Variants in ATP8B4 observed in about 807,000 individuals in gnomAD.
ATP8B4 encodes the protein ATPase phospholipid transporting 8B4 (putative).
Under a neutral mutation model 145.6 loss-of-function variants are expected in ATP8B4, and 133 were observed. That is an observed-to-expected ratio of 0.91 (90% confidence interval 0.79 to 1.05). ATP8B4 has a LOEUF of 1.05. Ranked by LOEUF, ATP8B4 falls within the 50% of genes least tolerant of loss-of-function variation. The pLI is 0.00. For synonymous variants in ATP8B4, 507 were observed against 492.9 expected (o/e 1.03, Z -0.38); for missense variants, 1,458 against 1,425.2 (o/e 1.02, Z -0.37).
At chr15:50,079,802 A>G (rs535182851) in intron 2 of ATP8B4, among the ~76,000 whole-genome samples, 1 of 152,344 alleles carries the variant, frequency 6.6e-6, no homozygotes, top group South Asian at 2.1e-4. Flanking sequence ...TCTTATTTCT[A>G]TCAACTTCAC....
intron 7 of ATP8B4, among the ~76,000 whole-genome samples, chr15:50,002,814 T>C (rs2153561793): frequency 6.6e-6 from 1 of 151,846 alleles, no homozygotes; most frequent in South Asian, 2.1e-4. Context: ...GAAGAGAAAA[T>C]GTAGTCAAAG....
chr15:50,001,919 TTC>T (rs1444601979), intron 8 of ATP8B4, among the ~76,000 whole-genome samples: 1 of 152,196 alleles, frequency 6.6e-6, no homozygotes, highest in Admixed American at 6.5e-5. Context: ...TTACTGAAGA[TTC>T]TCTGTGTAAA....
intron 1 of ATP8B4, among the ~76,000 whole-genome samples, chr15:50,153,483 C>G (rs1460258137): frequency 6.6e-6 from 1 of 152,076 alleles, no homozygotes; most frequent in Admixed American, 6.6e-5. Flanking sequence ...GAACTACAGG[C>G]GCCTGCCACC....
chr15:49,929,608 G>T (rs775515616), intron 16 of ATP8B4, among the ~76,000 whole-genome samples: 9 of 152,058 alleles, frequency 5.9e-5, no homozygotes, highest in Non-Finnish European at 1.2e-4. Flanking sequence ...ATGTGGTCAA[G>T]ATCATCCAAG....
chr15:49,879,710 AAAT>A (rs1395205833), intron 23 of ATP8B4: 1 of 375,200 alleles, frequency 2.7e-6, no homozygotes, highest in Admixed American at 4.4e-5. Flanking sequence ...AGTGAGGACA[AAAT>A]AATACATGCA....
At chr15:49,951,497 T>C (rs2043099741) in intron 14 of ATP8B4, among the ~76,000 whole-genome samples, 1 of 152,234 alleles carries the variant, frequency 6.6e-6, no homozygotes, top group South Asian at 2.1e-4. Flanking sequence ...AAGTCCGATT[T>C]GTCAGAGACT....
chr15:49,935,943 C>T lies in ATP8B4; in HGVS notation c.1288-1761G>A, dbSNP rs935195. On this transcript the variant is annotated intron_variant, in intron 14 of 27. Transcript: ENST00000284509. ...AAACACTCCCTAACTGGTAAGATGA[C>T]GTTATTACCCACTCCTCATCTCCTC... is the stretch of plus-strand genomic sequence containing the variant. 7.2e-5 allele frequency among the ~76,000 whole-genome samples: 11 copies of T among 151,942 alleles called. No homozygotes were observed. The South Asian group carries it at 1.5e-3, about 20-fold the overall frequency.
At chr15:50,135,992 C>T (rs999545040) in intron 1 of ATP8B4, among the ~76,000 whole-genome samples, 43 of 152,268 alleles carry the variant, frequency 2.8e-4, no homozygotes, top group Admixed American at 1.8e-3. Context: ...CAACCTTGAG[C>T]GTGGATACTT....
chr15:49,860,477 T>G lies in ATP8B4; in HGVS notation c.3298-2A>C. 1.9e-6 allele frequency: 3 copies of G among 1,606,670 alleles called. No homozygotes were observed. In the South Asian group the frequency reaches 3.3e-5, roughly 18 times the overall value. On this transcript the variant is annotated splice_acceptor_variant, in intron 27 of 27. Coordinates refer to ENST00000284509, the MANE Select transcript of ATP8B4 (RefSeq NM_024837.4). LOFTEE classifies it high-confidence loss of function. ...TTGAGCCTTCTGCCACCGGCGGATC[T>G]GGAGAGAAACAGACCCAAAGTGAGA...
intron 19 of ATP8B4, among the ~76,000 whole-genome samples, chr15:49,918,015 T>C (rs1171501380): frequency 1.3e-5 from 2 of 152,216 alleles, no homozygotes; most frequent in Non-Finnish European, 2.9e-5. Context: ...AATTGATGCA[T>C]CACATGTGCA....
At chr15:50,097,407 T>A (rs189386748) in intron 2 of ATP8B4, among the ~76,000 whole-genome samples, 1 of 152,180 alleles carries the variant, frequency 6.6e-6, no homozygotes, top group Non-Finnish European at 1.5e-5. Context: ...AACAATACTT[T>A]CCAAAATGCT....
chr15:50,080,341 A>G (rs2054463426), intron 2 of ATP8B4, among the ~76,000 whole-genome samples: 1 of 152,180 alleles, frequency 6.6e-6, no homozygotes, highest in Non-Finnish European at 1.5e-5. Flanking sequence ...ATTAGGGAAC[A>G]TTTATCAAAA....
intron 2 of ATP8B4, among the ~76,000 whole-genome samples, chr15:50,083,748 C>T (rs1320182361): frequency 6.6e-6 from 1 of 152,180 alleles, no homozygotes; most frequent in African/African-American, 2.4e-5. Flanking sequence ...TTGGTTTCTG[C>T]ATCTCAGCTC....
chr15:50,102,148 G>C (rs1043580039), intron 2 of ATP8B4, among the ~76,000 whole-genome samples: 9 of 151,898 alleles, frequency 5.9e-5, no homozygotes, highest in Admixed American at 5.2e-4. Flanking sequence ...GTCTGAAAGA[G>C]CACAAATAGA....
chr15:49,935,677 A>G (rs2041674080), intron 14 of ATP8B4, among the ~76,000 whole-genome samples: 1 of 152,146 alleles, frequency 6.6e-6, no homozygotes, highest in South Asian at 2.1e-4. Flanking sequence ...CTCAAACTTC[A>G]GAAGGTACAT....
chr15:49,915,635 AT>A, intron 20 of ATP8B4, among the ~76,000 whole-genome samples: 1 of 152,236 alleles, frequency 6.6e-6, no homozygotes, highest in East Asian at 1.9e-4. Context: ...AAGGTAAAGA[AT>A]CTACTTTTAA....
chr15:49,961,844 TA>T, intron 14 of ATP8B4, 132 bp downstream of exon 14: 1 of 704,026 alleles, frequency 1.4e-6, no homozygotes, highest in African/African-American at 1.9e-5. Flanking sequence ...CATATTAATC[TA>T]TTTTTTAATG....
In ATP8B4 at chr15:50,044,658, G is replaced by A. The variant is rs2051582112; in HGVS notation, c.236C>T (p.Thr79Ile). ...CACCAGGACCAAAGGCACAATGGTG[G>A]TAAACCAGGTCAAGGAGGAAATTTC... ...IPEISSLTWF[T>I]TIVPLVLVIT... is the part of the protein sequence containing the mutation. Residue 79 changes from threonine to isoleucine, a missense_variant, in exon 5 of 28, where the codon ACC (threonine) becomes ATC (isoleucine). By Grantham distance (89) the Thr-to-Ile change is moderately conservative. Transcript: ENST00000284509. 2 of 1,613,348 alleles carry A rather than the reference G, an allele frequency of 1.2e-6. No individual in the cohort carries two copies. The highest frequency in any genetic ancestry group is 1.7e-5 in the Admixed American group (1 of 59,938).
chr15:49,965,930 C>G (rs56786930), intron 13 of ATP8B4, among the ~76,000 whole-genome samples: 2,075 of 152,232 alleles, frequency 0.014, 42 homozygotes, highest in African/African-American at 0.048. Context: ...TGGCTAATCT[C>G]ATTGGGACTG....
Sources: allele counts gnomAD v4.1 joint callset (sites outside exome capture counted in the v4.1 genomes callset), GRCh38; gene constraint gnomAD v4.1.1; transcripts MANE v1.5; gene names NCBI Gene and HGNC (gene_info 2026-07-23, HGNC 2026-07-21).